SERPINA3: variants seen among roughly 807,000 people sequenced by gnomAD.
The protein encoded by SERPINA3 is alpha-1-antichymotrypsin.
A neutral mutation model predicts 26.8 loss-of-function variants in SERPINA3; 32 were observed. The ratio of observed to expected loss-of-function variants is 1.20; its 90% CI spans 0.90 to 1.61. The LOEUF (loss-of-function observed/expected upper bound fraction) is 1.61. SERPINA3 is among the 40% of genes most tolerant of loss of function. The pLI is 0.00. For synonymous variants in SERPINA3, 252 were observed against 206.4 expected (o/e 1.22, Z -1.89); for missense variants, 632 against 517.9 (o/e 1.22, Z -2.14).
chr14:94,623,568 C>T lies in SERPINA3; in HGVS notation c.1069-43C>T, dbSNP rs370392882. On this transcript the variant is annotated intron_variant, in intron 4 of 4. Coordinates refer to ENST00000393078, the MANE Select transcript of SERPINA3 (RefSeq NM_001085.5). ...ACACAGGCAGGTCGCTGAACTCCTG[C>T]GCATCTGTGTTTCCCGTGTGTAATG... is the stretch of plus-strand genomic sequence containing the variant. The T allele has an allele frequency of 1.3e-4, 208 of 1,582,330 alleles. No homozygotes were observed. The African/African-American group carries it at 2.4e-3, about 18-fold the overall frequency.
At chr14:94,622,233 A>T in intron 3 of SERPINA3, 108 bp from the exon 4 acceptor site, 1 of 967,716 alleles carries the variant, frequency 1.0e-6, no homozygotes, top group Non-Finnish European at 1.7e-6. Context: ...TTTTCCAATC[A>T]GAAGGGGGTG....
chr14:94,613,358 C>A (rs113749740), intron 1 of SERPINA3: 1 of 152,248 alleles, frequency 6.6e-6, no homozygotes, highest in South Asian at 2.1e-4. Context: ...ACTGAGTGGG[C>A]GGAGGCTGAA....
intron 3 of SERPINA3, 31 bp downstream of exon 3, chr14:94,619,499 A>C: frequency 6.2e-7 from 1 of 1,613,354 alleles, no homozygotes; most frequent in Non-Finnish European, 8.5e-7. Context: ...AAGACCCCAC[A>C]TCTCTCCACG....
In SERPINA3 at chr14:94,623,975, C is replaced by G. The variant is rs1447075896; in HGVS notation, c.*161C>G. On this transcript the variant is annotated 3_prime_UTR_variant, in exon 5 of 5. Transcript: ENST00000393078. ...GGTGACAGCGATTCCCTGTGTAGCT[C>G]TCACATGCACAGGGGCCCATGGACT... The G allele has an allele frequency of 5.7e-6, 4 of 706,588 alleles. No individual in the cohort carries two copies. The highest frequency in any genetic ancestry group is 1.0e-5 in the Non-Finnish European group (4 of 393,756). The allele number at this position is 706,588 out of a possible 1,614,324, so 43.8% of individuals were successfully genotyped here.
chr14:94,619,897 G>A (rs942731765), intron 3 of SERPINA3: 3 of 238,586 alleles, frequency 1.3e-5, no homozygotes, highest in African/African-American at 6.7e-5. Context: ...ATGATTAATT[G>A]AGCACCTACT....
At position 94,623,824 on chromosome 14, in the gene SERPINA3, T is replaced by A; in HGVS notation, c.*10T>A. On this transcript the variant is annotated 3_prime_UTR_variant, in exon 5 of 5. Transcript: ENST00000393078. ...TCCCAAGCAAGCCTAGAGCTTGCCATCAAGCAGTGGGGCTCTCAGTAAGGA... is the reference window on the plus strand; with the variant it reads ...TCCCAAGCAAGCCTAGAGCTTGCCAACAAGCAGTGGGGCTCTCAGTAAGGA... 2.5e-6 allele frequency: 4 copies of A among 1,611,742 alleles called. No homozygotes were observed. The highest frequency in any genetic ancestry group is 3.4e-6 in the Non-Finnish European group (4 of 1,178,058).
Position 94,624,031 on chromosome 14 carries a change from C to A in SERPINA3, c.*217C>A, listed in dbSNP as rs1301913849. 3.3e-6 allele frequency: 2 copies of A among 605,088 alleles called. No individual in the cohort carries two copies. Among genetic ancestry groups the A allele is most frequent in the Non-Finnish European group, 5.9e-6 (2 of 340,258 alleles). 37.5% of individuals were successfully genotyped at this position (605,088 alleles called of 1,614,324 possible). A position where few individuals can be genotyped will look rare whatever the true frequency, so the allele number is the denominator to read the frequency against. ...GTCTGGAGGGTCCTGGGCCTCCTGACAGCAATAAATAATTTCGTTGGACAC... is the reference window on the plus strand; with the variant it reads ...GTCTGGAGGGTCCTGGGCCTCCTGAAAGCAATAAATAATTTCGTTGGACAC... On this transcript the variant is annotated 3_prime_UTR_variant, in exon 5 of 5. Transcript: ENST00000393078.
chr14:94,612,504 T>G (rs1885818484), intron 1 of SERPINA3, 57 bp downstream of exon 1: 1 of 1,124,022 alleles, frequency 8.9e-7, no homozygotes. Context: ...CCAGGAGAGT[T>G]TTAGGCAGCA....
Position 94,623,986 on chromosome 14 carries a change from A to C in SERPINA3, c.*172A>C. On this transcript the variant is annotated 3_prime_UTR_variant, in exon 5 of 5. Transcript: ENST00000393078. Reference sequence around the variant, plus strand: ...TTCCCTGTGTAGCTCTCACATGCACAGGGGCCCATGGACTCTTCAGTCTGG... The same window carrying C: ...TTCCCTGTGTAGCTCTCACATGCACCGGGGCCCATGGACTCTTCAGTCTGG... The C allele has an allele frequency of 1.5e-6, 1 of 687,520 alleles. No individual in the cohort carries two copies. The highest frequency in any genetic ancestry group is 2.6e-6 in the Non-Finnish European group (1 of 381,442). 42.6% of individuals were successfully genotyped at this position (687,520 alleles called of 1,614,324 possible). A position where few individuals can be genotyped will look rare whatever the true frequency, so the allele number is the denominator to read the frequency against.
Position 94,623,659 on chromosome 14 carries a change from T to C in SERPINA3, c.1117T>C (p.Ser373Pro). ...LDVFEEGTEA[S>P]AATAVKITLL... ...TGTATTTGAGGAGGGCACAGAAGCA[T>C]CTGCTGCCACAGCAGTCAAAATCAC... is the stretch of plus-strand genomic sequence containing the variant. The change falls in exon 5 of 5, where the codon TCT becomes CCT. Residue 373 changes from serine to proline, a missense_variant. Physicochemically the swap from Ser to Pro is moderately conservative, Grantham distance 74. Transcript: ENST00000393078. 1.9e-6 allele frequency: 3 copies of C among 1,614,152 alleles called. No individual in the cohort carries two copies. Among genetic ancestry groups the C allele is most frequent in the Middle Eastern group, 1.7e-4 (1 of 6,060 alleles).
chr14:94,614,563 G>C lies in SERPINA3; in HGVS notation c.122G>C (p.Arg41Pro), dbSNP rs867783314. ...AATCTGACCCAGGAGAACCAAGACCGAGGGACACACGTGGACCTCGGATTA... is the reference window on the plus strand; with the variant it reads ...AATCTGACCCAGGAGAACCAAGACCCAGGGACACACGTGGACCTCGGATTA... Reference protein sequence around the residue: ...EENLTQENQDRGTHVDLGLAS... With the variant: ...EENLTQENQDPGTHVDLGLAS... The change falls in exon 2 of 5, where the codon CGA (arginine) becomes CCA (proline). Residue 41 changes from arginine to proline, a missense_variant. Transcript: ENST00000393078. 3.1e-6 allele frequency: 5 copies of C among 1,614,012 alleles called. No homozygotes were observed. In the African/African-American group the frequency reaches 6.7e-5, roughly 22 times the overall value.
In SERPINA3 at chr14:94,614,667, T is replaced by G; in HGVS notation, c.226T>G (p.Ser76Ala). The G allele has an allele frequency of 6.2e-7, 1 of 1,613,948 alleles. No individual in the cohort carries two copies. The highest frequency in any genetic ancestry group is 8.5e-7 in the Non-Finnish European group (1 of 1,179,958). The change falls in exon 2 of 5, where the codon TCC (serine) becomes GCC (alanine). Residue 76 changes from serine to alanine, a missense_variant. Coordinates refer to ENST00000393078, the MANE Select transcript of SERPINA3 (RefSeq NM_001085.5). Reference protein sequence around the residue: ...LKAPDKNVIFSPLSISTALAF... With the variant: ...LKAPDKNVIFAPLSISTALAF... ...GGCCCCTGATAAGAATGTCATCTTC[T>G]CCCCACTGAGCATCTCCACCGCCTT...
chr14:94,623,705 A>G lies in SERPINA3; in HGVS notation c.1163A>G (p.Glu388Gly). The G allele has an allele frequency of 1.9e-6, 3 of 1,614,116 alleles. No individual in the cohort carries two copies. Among genetic ancestry groups the G allele is most frequent in the Non-Finnish European group, 2.5e-6 (3 of 1,179,960 alleles). The change falls in exon 5 of 5, where the codon GAG becomes GGG. Residue 388 changes from glutamate to glycine, a missense_variant. Physicochemically the swap from Glu to Gly is moderately conservative, Grantham distance 98. Transcript: ENST00000393078. ...VKITLLSALV[E>G]TRTIVRFNRP... ...ATCACCCTCCTTTCTGCATTAGTGG[A>G]GACAAGGACCATTGTGCGTTTCAAC...
At position 94,614,800 on chromosome 14, in the gene SERPINA3, A is replaced by G. The variant is rs1885925618; in HGVS notation, c.359A>G (p.Gln120Arg). 1.9e-6 allele frequency: 3 copies of G among 1,614,094 alleles called. No homozygotes were observed. Among genetic ancestry groups the G allele is most frequent in the Admixed American group, 1.7e-5 (1 of 60,002 alleles). Reference protein sequence around the residue: ...TSEAEIHQSFQHLLRTLNQSS... With the variant: ...TSEAEIHQSFRHLLRTLNQSS... Reference sequence around the variant, plus strand: ...GAGGCAGAAATTCACCAGAGCTTCCAGCACCTCCTGCGCACCCTCAATCAG... The same window carrying G: ...GAGGCAGAAATTCACCAGAGCTTCCGGCACCTCCTGCGCACCCTCAATCAG... The change falls in exon 2 of 5, where the codon CAG (glutamine) becomes CGG (arginine). Residue 120 changes from glutamine to arginine, a missense_variant. Coordinates refer to ENST00000393078, the MANE Select transcript of SERPINA3 (RefSeq NM_001085.5).
Position 94,614,677 on chromosome 14 carries a change from G to A in SERPINA3, c.236G>A (p.Ser79Asn), listed in dbSNP as rs761279236. Reference sequence around the variant, plus strand: ...AAGAATGTCATCTTCTCCCCACTGAGCATCTCCACCGCCTTGGCCTTCCTG... The same window carrying A: ...AAGAATGTCATCTTCTCCCCACTGAACATCTCCACCGCCTTGGCCTTCCTG... ...PDKNVIFSPL[S>N]ISTALAFLSL... Residue 79 changes from serine to asparagine, a missense_variant, in exon 2 of 5, where the codon AGC (serine) becomes AAC (asparagine). Physicochemically the swap from Ser to Asn is conservative, Grantham distance 46. Coordinates refer to ENST00000393078, the MANE Select transcript of SERPINA3 (RefSeq NM_001085.5). The A allele has an allele frequency of 3.1e-6, 5 of 1,613,970 alleles. No homozygotes were observed. The South Asian group carries it at 4.4e-5, about 14-fold the overall frequency.
rs1438750053 is a variant in SERPINA3, at chr14:94,622,496, G to A, written c.1068+5G>A. The A allele has an allele frequency of 3.7e-6, 6 of 1,613,896 alleles. No individual in the cohort carries two copies. The highest frequency in any genetic ancestry group is 2.7e-5 in the African/African-American group (2 of 74,940). ...AGGAACCTAGCAGTCTCCCAGGTGAGTCTTTAGACTTGGGTCAATTCATCC... is the reference window on the plus strand; with the variant it reads ...AGGAACCTAGCAGTCTCCCAGGTGAATCTTTAGACTTGGGTCAATTCATCC... On this transcript the variant is annotated splice_donor_5th_base_variant and intron_variant, in intron 4 of 4. Coordinates refer to ENST00000393078, the MANE Select transcript of SERPINA3 (RefSeq NM_001085.5).
chr14:94,620,997 A>T (rs541781729), intron 3 of SERPINA3, among the ~76,000 whole-genome samples: 1 of 152,220 alleles, frequency 6.6e-6, no homozygotes, highest in East Asian at 1.9e-4. Flanking sequence ...CCCTGTTTTC[A>T]CTGGGTGATT....
At chr14:94,614,092 C>T (rs749807412) in intron 1 of SERPINA3, 18 of 318,842 alleles carry the variant, frequency 5.6e-5, no homozygotes, top group African/African-American at 1.3e-4. Flanking sequence ...GACTGAACCT[C>T]GGACCCCCCA....
At position 94,623,881 on chromosome 14, in the gene SERPINA3, T is replaced by C. The variant is rs1595100981; in HGVS notation, c.*67T>C. On this transcript the variant is annotated 3_prime_UTR_variant, in exon 5 of 5. Coordinates refer to ENST00000393078, the MANE Select transcript of SERPINA3 (RefSeq NM_001085.5). ...AATGCAAGCTGGATGCCTGGGTCTC[T>C]GGGCACAGCCTGGCCCCTGTGCACC... 7.2e-7 allele frequency: 1 copy of C among 1,394,716 alleles called. No homozygotes were observed. The highest frequency in any genetic ancestry group is 1.4e-5 in the African/African-American group (1 of 70,868). The allele number at this position is 1,394,716 out of a possible 1,614,324, so 86.4% of individuals were successfully genotyped here.
Sources: gnomAD v4.1 joint callset for allele counts (sites outside exome capture counted in the v4.1 genomes callset) on GRCh38, gnomAD v4.1.1 for gene constraint, MANE v1.5 for transcripts, NCBI Gene and HGNC (gene_info 2026-07-23, HGNC 2026-07-21) for gene names.